GGT1: variants seen among roughly 807,000 people sequenced by gnomAD.
GGT1 encodes gamma-glutamyltransferase 1.
A neutral mutation model predicts 56.0 loss-of-function variants in GGT1; 21 were observed. That is an observed-to-expected ratio of 0.38 (90% CI 0.27 to 0.54). The LOEUF is 0.54. Among genes scored for constraint, GGT1 ranks in the 20% least tolerant of loss-of-function variants. GGT1 has a pLI of 0.82. For synonymous variants in GGT1, 238 were observed against 342.6 expected (o/e 0.69, Z 3.37); for missense variants, 466 against 787.0 (o/e 0.59, Z 4.88).
chr22:24,616,887 T>C (rs8135987), intron 7 of GGT1, among the ~76,000 whole-genome samples: 58,452 of 151,900 alleles, frequency 0.38, 11,670 homozygotes, highest in Middle Eastern at 0.53. Flanking sequence ...AACTCAGCAT[T>C]TGTAGACATG....
intron 1 of GGT1, among the ~76,000 whole-genome samples, chr22:24,597,658 G>T (rs967044365): frequency 1.8e-5 from 2 of 109,446 alleles, no homozygotes; most frequent in African/African-American, 7.4e-5. Context: ...TCCAGCCTGG[G>T]TGACAGAGTG....
At chr22:24,612,410 A>G (rs2046771776) in intron 5 of GGT1, among the ~76,000 whole-genome samples, 1 of 151,176 alleles carries the variant, frequency 6.6e-6, no homozygotes, top group African/African-American at 2.4e-5. Context: ...TGCTGCACCC[A>G]CCAACTCATC....
chr22:24,618,584 C>T (rs1386130409), intron 7 of GGT1, among the ~76,000 whole-genome samples: 1 of 152,146 alleles, frequency 6.6e-6, no homozygotes, highest in East Asian at 1.9e-4. Context: ...GAGCAAGACT[C>T]CATCTCAAAA....
upstream of GGT1, chr22:24,592,885 T>C: frequency 7.8e-7 from 1 of 1,280,762 alleles, no homozygotes; most frequent in Non-Finnish European, 9.9e-7. Flanking sequence ...GCGCAGCAGC[T>C]GCCGGGCGCG....
At chr22:24,605,581 TATATATA>T (rs1482285914) in intron 1 of GGT1, among the ~76,000 whole-genome samples, 13 of 50,822 alleles carry the variant, frequency 2.6e-4, no homozygotes, top group African/African-American at 3.4e-4. Context: ...ATGTGTATTA[TATATATA>T]ATATTATATA....
Position 24,620,299 on chromosome 22 carries a change from G to T in GGT1, c.383-29G>T, listed in dbSNP as rs371105565. The stretch of plus-strand genomic sequence containing the variant: ...AGAGATCCCGATGTCCCCCACTCAG[G>T]GTCACTAACTATGGCTCTCTCTCCC... On this transcript the variant is annotated intron_variant, in intron 7 of 15. Transcript: ENST00000400382. This position sits in a 1 kb window ranked among gnomAD's most constrained non-coding sequence, Gnocchi z 5.6. The T allele has an allele frequency of 5.0e-5, 81 of 1,609,318 alleles. No homozygotes were observed. The African/African-American group carries it at 9.6e-4, about 19-fold the overall frequency.
At chr22:24,607,010 G>T (rs1282504441) in intron 1 of GGT1, among the ~76,000 whole-genome samples, 1 of 151,412 alleles carries the variant, frequency 6.6e-6, no homozygotes, top group African/African-American at 2.4e-5. Flanking sequence ...GGCTGGGTCC[G>T]CAGCTGTTCC....
At chr22:24,626,011 C>T (rs369056470) in intron 11 of GGT1, among the ~76,000 whole-genome samples, 2,091 of 133,980 alleles carry the variant, frequency 0.016, 65 homozygotes, top group African/African-American at 0.063. Context: ...GACGGAGTCT[C>T]GCTCTGTCCC....
At chr22:24,607,440 A>G (rs1042097950) in intron 1 of GGT1, among the ~76,000 whole-genome samples, 1 of 152,214 alleles carries the variant, frequency 6.6e-6, no homozygotes, top group Non-Finnish European at 1.5e-5. Context: ...GCTCGTGGGC[A>G]GACAGCGCCC....
chr22:24,589,484 C>G, the GGT1 span: 3 of 625,888 alleles, frequency 4.8e-6, no homozygotes, highest in Non-Finnish European at 6.5e-6. Flanking sequence ...GTGGATTTCT[C>G]AGAACAGTCT....
intron 9 of GGT1, 142 bp from the exon 10 acceptor site, chr22:24,622,965 C>G (rs530711998): frequency 4.4e-5 from 36 of 819,658 alleles, no homozygotes; most frequent in African/African-American, 3.8e-4. Context: ...GTAGTGCACT[C>G]TGTCCTCCCT....
At chr22:24,622,513 G>A (rs1364839722) in intron 9 of GGT1, among the ~76,000 whole-genome samples, 5 of 152,130 alleles carry the variant, frequency 3.3e-5, no homozygotes, top group Non-Finnish European at 4.4e-5. Flanking sequence ...GCAGTGAGCC[G>A]ATATCGCGCC....
chr22:24,627,437 C>A lies in GGT1; in HGVS notation c.1026C>A (p.Val342=). The stretch of plus-strand genomic sequence containing the variant: ...CAGCTCTGGGGTCTCGGCAGGTGGT[C>A]CGCAACATGACCTCCGAGTTCTTCG... ...DPKFVDVTEV[V]RNMTSEFFAA... is the part of the protein sequence containing the mutation. Residue 342 remains valine, a synonymous_variant, in exon 12 of 16, where the codon GTC becomes GTA. Coordinates refer to ENST00000400382, the MANE Select transcript of GGT1 (RefSeq NM_001288833.2). 1 of 1,387,812 alleles carries A rather than the reference C, an allele frequency of 7.2e-7. No homozygotes were observed. Among genetic ancestry groups the A allele is most frequent in the Non-Finnish European group, 9.6e-7 (1 of 1,038,766 alleles). The allele number at this position is 1,387,812 out of a possible 1,614,324, so 86.0% of individuals were successfully genotyped here.
intron 1 of GGT1, among the ~76,000 whole-genome samples, chr22:24,597,706 C>A (rs921074763): frequency 2.7e-4 from 41 of 152,196 alleles, no homozygotes; most frequent in East Asian, 1.9e-3. Context: ...CACACACACA[C>A]AAAACAACTG....
intron 1 of GGT1, among the ~76,000 whole-genome samples, chr22:24,596,364 G>A (rs149567428): frequency 5.9e-4 from 90 of 152,294 alleles, no homozygotes; most frequent in South Asian, 1.2e-3. Flanking sequence ...TCAGCTTCTG[G>A]TGGCTCCTGG....
chr22:24,592,307 TTGGAGAAC>T (rs2045593305), upstream of GGT1: 1 of 469,532 alleles, frequency 2.1e-6, no homozygotes, highest in African/African-American at 2.0e-5. Flanking sequence ...GAGCCGCCTG[TTGGAGAAC>T]TGGTGATGCA....
intron 9 of GGT1, among the ~76,000 whole-genome samples, chr22:24,622,330 C>T (rs1325909210): frequency 6.6e-6 from 1 of 152,100 alleles, no homozygotes; most frequent in African/African-American, 2.4e-5. Context: ...TTTGAGAGGC[C>T]GAGGCGTGTG....
intron 1 of GGT1, among the ~76,000 whole-genome samples, chr22:24,595,506 A>G (rs755339086): frequency 6.6e-6 from 1 of 152,210 alleles, no homozygotes; most frequent in African/African-American, 2.4e-5. Flanking sequence ...TTGTCCTCTC[A>G]GTTCCCGGGG....
intron 5 of GGT1, 83 bp from the exon 6 acceptor site, chr22:24,614,693 T>A: frequency 8.3e-7 from 1 of 1,205,674 alleles, no homozygotes; most frequent in Non-Finnish European, 1.2e-6. Flanking sequence ...CCATCCTCCT[T>A]TGGGCAGGTG....
Sources: allele counts gnomAD v4.1 joint callset (sites outside exome capture counted in the v4.1 genomes callset), GRCh38; gene constraint gnomAD v4.1.1; non-coding constraint Gnocchi (gnomAD v3.1); transcripts MANE v1.5; gene names NCBI Gene and HGNC (gene_info 2026-07-23, HGNC 2026-07-21).